The following SLC2A9 variants were observed in gnomAD, a reference collection of about 807,000 sequenced individuals.
The protein encoded by SLC2A9 is solute carrier family 2, facilitated glucose transporter member 9.
SLC2A9 carries 39 observed loss-of-function variants against 50.6 expected under a neutral mutation model. The observed-to-expected ratio is 0.77, with a 90% confidence interval of 0.60 to 1.01. The LOEUF (loss-of-function observed/expected upper bound fraction) is 1.01. Among genes scored for constraint, SLC2A9 ranks in the 50% least tolerant of loss-of-function variants. The probability of loss-of-function intolerance (pLI) is 0.00; values close to 1 mark genes in which losing one functional copy is unlikely to be tolerated. For synonymous variants in SLC2A9, 324 were observed against 276.9 expected (o/e 1.17, Z -1.69); for missense variants, 686 against 677.6 (o/e 1.01, Z -0.14).
intron 10 of SLC2A9, among the ~76,000 whole-genome samples, chr4:9,853,412 T>C (rs1389083975): frequency 6.6e-6 from 1 of 152,178 alleles, no homozygotes; most frequent in African/African-American, 2.4e-5. Context: ...AAGAAGTGCA[T>C]TACATAATGA....
At chr4:9,782,697 G>T (rs1718630802) in intron 3 of SLC2A9, 1 of 1,613,996 alleles carries the variant, frequency 6.2e-7, no homozygotes, top group Non-Finnish European at 8.5e-7. Flanking sequence ...AGCCTGAATC[G>T]AACCTACGCC....
chr4:9,903,769 G>C (rs1017927602), intron 8 of SLC2A9, among the ~76,000 whole-genome samples: 33 of 148,662 alleles, frequency 2.2e-4, no homozygotes, highest in Non-Finnish European at 4.4e-4. Flanking sequence ...ATATGTAACT[G>C]TATATATATA....
chr4:9,933,392 C>T (rs1391319845), intron 6 of SLC2A9, among the ~76,000 whole-genome samples: 2 of 152,150 alleles, frequency 1.3e-5, no homozygotes, highest in Admixed American at 6.5e-5. Context: ...GGTGAACGCA[C>T]GGGCTCCAGG....
chr4:10,018,890 G>A, intron 2 of SLC2A9, 85 bp downstream of exon 2: 1 of 1,342,582 alleles, frequency 7.4e-7, no homozygotes, highest in Non-Finnish European at 1.0e-6. Context: ...GCAACAGGAG[G>A]GGGCGCTGGA....
chr4:9,896,481 C>A (rs1738579148), intron 8 of SLC2A9, among the ~76,000 whole-genome samples: 1 of 152,048 alleles, frequency 6.6e-6, no homozygotes. Context: ...TTTAAGAGTT[C>A]TTTATGTATT....
At chr4:9,837,184 A>C (rs1213666155) in intron 10 of SLC2A9, among the ~76,000 whole-genome samples, 1 of 152,186 alleles carries the variant, frequency 6.6e-6, no homozygotes, top group African/African-American at 2.4e-5. Context: ...ATCAATATTT[A>C]CTTACATAAG....
chr4:9,910,588 T>C (rs570399254), intron 7 of SLC2A9, among the ~76,000 whole-genome samples: 23 of 152,338 alleles, frequency 1.5e-4, no homozygotes, highest in African/African-American at 5.3e-4. Flanking sequence ...ATTTGTGTTA[T>C]TCACAGCCGT....
At chr4:9,938,432 C>T (rs889665450) in intron 6 of SLC2A9, among the ~76,000 whole-genome samples, 2 of 151,938 alleles carry the variant, frequency 1.3e-5, no homozygotes, top group Non-Finnish European at 2.9e-5. Context: ...CCAACACGCC[C>T]GGCTAATTTT....
At chr4:9,853,611 A>G (rs1420698250) in intron 10 of SLC2A9, among the ~76,000 whole-genome samples, 1 of 152,204 alleles carries the variant, frequency 6.6e-6, no homozygotes, top group Non-Finnish European at 1.5e-5. Flanking sequence ...AAAACCAGCA[A>G]AGATATTTGG....
chr4:9,810,883 C>A (rs1193666044), intron 3 of SLC2A9, among the ~76,000 whole-genome samples: 1 of 152,228 alleles, frequency 6.6e-6, no homozygotes, highest in Non-Finnish European at 1.5e-5. Context: ...TATCTTTAGG[C>A]TCTCACCGCT....
intron 2 of SLC2A9, 111 bp downstream of exon 2, chr4:10,018,864 G>C: frequency 9.6e-7 from 1 of 1,045,750 alleles, no homozygotes; most frequent in Non-Finnish European, 1.4e-6. Flanking sequence ...TCCCCGCGGT[G>C]TCCCGCGCCG....
At chr4:9,778,683 C>T (rs189958436), downstream of SLC2A9, among the ~76,000 whole-genome samples, 6 of 152,328 alleles carry the variant, frequency 3.9e-5, no homozygotes, top group Admixed American at 6.5e-5. Flanking sequence ...TTCTCTATCA[C>T]AAAAGCCAAG....
chr4:9,973,279 G>T (rs1404434929), intron 5 of SLC2A9, among the ~76,000 whole-genome samples: 1 of 152,052 alleles, frequency 6.6e-6, no homozygotes, highest in African/African-American at 2.4e-5. Flanking sequence ...ACAATATCAA[G>T]ATCTGAAATT....
intron 11 of SLC2A9, among the ~76,000 whole-genome samples, chr4:9,829,299 G>T (rs933102338): frequency 6.6e-6 from 1 of 152,020 alleles, no homozygotes; most frequent in Non-Finnish European, 1.5e-5. Flanking sequence ...AGCTACTTGA[G>T]AGACTGAGGT....
At chr4:9,987,189 T>C (rs1213522538) in intron 3 of SLC2A9, among the ~76,000 whole-genome samples, 1 of 152,202 alleles carries the variant, frequency 6.6e-6, no homozygotes, top group Non-Finnish European at 1.5e-5. Context: ...GCACAATCTC[T>C]GCTCACTGCA....
At chr4:9,828,398 T>A (rs1279370278) in intron 11 of SLC2A9, among the ~76,000 whole-genome samples, 1 of 152,174 alleles carries the variant, frequency 6.6e-6, no homozygotes, top group East Asian at 1.9e-4. Context: ...GCCAGAGTGA[T>A]CCTGTTAAAC....
intron 1 of SLC2A9, among the ~76,000 whole-genome samples, chr4:10,020,933 G>T (rs780876140): frequency 1.3e-5 from 2 of 152,222 alleles, no homozygotes; most frequent in African/African-American, 4.8e-5. Context: ...GGCAGAGGGT[G>T]CCCACTGACC....
intron 6 of SLC2A9, among the ~76,000 whole-genome samples, chr4:9,935,771 C>T (rs1746953946): frequency 6.6e-6 from 1 of 152,240 alleles, no homozygotes; most frequent in South Asian, 2.1e-4. Flanking sequence ...CCTGCAGATG[C>T]ACCCAGTCAA....
rs376798237 is a variant in SLC2A9, at chr4:9,920,875, T to C, written c.815-303A>G. Among the ~76,000 whole-genome samples, 32 of 152,368 alleles carry C rather than the reference T, an allele frequency of 2.1e-4. No individual in the cohort carries two copies. In the East Asian group the frequency reaches 4.2e-3, roughly 20 times the overall value. On this transcript the variant is annotated intron_variant, in intron 6 of 11. Transcript: ENST00000264784. ...CACACCCAGAGTTCAAACCCGTCTA[T>C]AACATTGGGCAGTTGTGTCCCTGTT... is the stretch of plus-strand genomic sequence containing the variant.
Sources: allele counts gnomAD v4.1 joint callset (sites outside exome capture counted in the v4.1 genomes callset), GRCh38; gene constraint gnomAD v4.1.1; transcripts MANE v1.5; gene names NCBI Gene and HGNC (gene_info 2026-07-23, HGNC 2026-07-21).